Variants in PIEZO1 observed in about 807,000 individuals in gnomAD.
The protein encoded by PIEZO1 is piezo-type mechanosensitive ion channel component 1.
PIEZO1 carries 296 observed loss-of-function variants against 297.2 expected under a neutral mutation model. That is an observed-to-expected ratio of 1.00 (90% CI 0.91 to 1.10). The LOEUF (loss-of-function observed/expected upper bound fraction) is 1.10, where lower values mean the gene tolerates loss of function less well. PIEZO1 is among the 50% of genes least tolerant of loss of function. The pLI, the probability that PIEZO1 is intolerant of heterozygous loss-of-function variation, is 0.00. For missense variants in PIEZO1, 5,018 were observed against 3,455.5 expected, an observed-to-expected ratio of 1.45 and a Z score of -11.34; for synonymous variants, 2,427 against 1,507.5, an observed-to-expected ratio of 1.61 and a Z score of -14.13.
At chr16:88,727,754 C>G in intron 22 of PIEZO1, 93 bp from the exon 23 acceptor site, 1 of 570,030 alleles carries the variant, frequency 1.8e-6, no homozygotes, top group East Asian at 3.1e-5. Context: ...TATCACCAGC[C>G]CTCAGGGTCC....
chr16:88,719,980 T>G lies in PIEZO1; in HGVS notation c.6165-20A>C, dbSNP rs1335221216. ...AACATCCTGGGGCGGGATGGCCAGG[T>G]CAAGGACCCCATCAGAAACAGCCCC... On this transcript the variant is annotated intron_variant, in intron 42 of 50. Coordinates refer to ENST00000301015, the MANE Select transcript of PIEZO1 (RefSeq NM_001142864.4). 7 of 1,549,512 alleles carry G rather than the reference T, an allele frequency of 4.5e-6. No individual in the cohort carries two copies. In the African/African-American group the frequency reaches 9.6e-5, roughly 21 times the overall value.
Position 88,716,871 on chromosome 16 carries a change from G to C in PIEZO1, c.6688C>G (p.Pro2230Ala), listed in dbSNP as rs910553391. 1.3e-6 allele frequency: 2 copies of C among 1,549,860 alleles called. No homozygotes were observed. The highest frequency in any genetic ancestry group is 1.7e-6 in the Non-Finnish European group (2 of 1,146,958). The change falls in exon 46 of 51, where the codon CCG becomes GCG. Residue 2230 changes from proline to alanine, a missense_variant. By Grantham distance (27) the Pro-to-Ala change is conservative. Transcript: ENST00000301015. ...EPLFTMSAQQ[P>A]SIIPFTAQAY... ...TGGGCCGTGAAGGGGATGATGGACG[G>C]CTGCTGGGCGCTCATGGTGAACAGC...
chr16:88,771,238 G>C (rs1907412374), intron 1 of PIEZO1, among the ~76,000 whole-genome samples: 1 of 152,136 alleles, frequency 6.6e-6, no homozygotes, highest in Non-Finnish European at 1.5e-5. Flanking sequence ...CCCCCCCTTG[G>C]GAGGTCCAGA....
In PIEZO1 at chr16:88,738,521, A is replaced by C. The variant is rs550027613; in HGVS notation, c.634+47T>G. The C allele has an allele frequency of 1.2e-5, 19 of 1,529,064 alleles. No homozygotes were observed. The Admixed American group carries it at 2.0e-4, about 16-fold the overall frequency. 94.7% of individuals were successfully genotyped at this position (1,529,064 alleles called of 1,614,324 possible). On this transcript the variant is annotated intron_variant, in intron 6 of 50. Coordinates refer to ENST00000301015, the MANE Select transcript of PIEZO1 (RefSeq NM_001142864.4). ...CTCCACAGTCATCAGGGAACTCCCA[A>C]GACCCCTCCCAGTGTGACTGCCAGT...
intron 22 of PIEZO1, among the ~76,000 whole-genome samples, chr16:88,730,749 G>A (rs1904747343): frequency 6.6e-6 from 1 of 152,226 alleles, no homozygotes; most frequent in African/African-American, 2.4e-5. Flanking sequence ...GGGAGATGAT[G>A]TAACAGTGTG....
At position 88,721,787 on chromosome 16, in the gene PIEZO1, TC is replaced by T; in HGVS notation, c.5214+20del. ...ACGGCGCGGTGGGCCGGGCGCCCCCTCCCCCGCGGCCTCGGCCCACCTCGGT... is the reference window on the plus strand; with the variant it reads ...ACGGCGCGGTGGGCCGGGCGCCCCCTCCCCGCGGCCTCGGCCCACCTCGGT... On this transcript the variant is annotated intron_variant, in intron 37 of 50. Coordinates refer to ENST00000301015, the MANE Select transcript of PIEZO1 (RefSeq NM_001142864.4). 1 of 1,524,070 alleles carries T rather than the reference TC, an allele frequency of 6.6e-7. No homozygotes were observed. The highest frequency in any genetic ancestry group is 2.0e-5 in the Admixed American group (1 of 49,968). The allele number at this position is 1,524,070 out of a possible 1,614,324, so 94.4% of individuals were successfully genotyped here.
intron 1 of PIEZO1, among the ~76,000 whole-genome samples, chr16:88,751,350 A>G (rs1023183352): frequency 1.3e-5 from 2 of 152,232 alleles, no homozygotes; most frequent in African/African-American, 4.8e-5. Context: ...TGAAAGGGTC[A>G]GGGGCACACG....
In PIEZO1 at chr16:88,735,253, C is replaced by T. The variant is rs762154499; in HGVS notation, c.1558-7G>A. The T allele has an allele frequency of 1.3e-6, 2 of 1,543,634 alleles. No individual in the cohort carries two copies. Among genetic ancestry groups the T allele is most frequent in the Non-Finnish European group, 1.8e-6 (2 of 1,140,916 alleles). On this transcript the variant is annotated splice_polypyrimidine_tract_variant and splice_region_variant and intron_variant, in intron 12 of 50. Transcript: ENST00000301015. The stretch of plus-strand genomic sequence containing the variant: ...AGGTCAGGGTGTAGAGCAACTGTGA[C>T]AAGCGCAGGGTGTCACAGTCAGCCG...
At chr16:88,724,174 G>A (rs1189377194) in intron 30 of PIEZO1, among the ~76,000 whole-genome samples, 1 of 152,238 alleles carries the variant, frequency 6.6e-6, no homozygotes, top group Non-Finnish European at 1.5e-5. Context: ...AGCGCGGGCT[G>A]GGGTGCAGAG....
chr16:88,737,017 C>G lies in PIEZO1; in HGVS notation c.1196-278G>C, dbSNP rs968843144. 3 of 348,368 alleles carry G rather than the reference C, an allele frequency of 8.6e-6. No homozygotes were observed. The Admixed American group carries it at 1.4e-4, about 16-fold the overall frequency. 21.6% of individuals were successfully genotyped at this position (348,368 alleles called of 1,614,324 possible). Reference sequence around the variant, plus strand: ...CTTTCCAGCTCTGCGCACCTGAAGACTCTCAGGACCCCCACCCCAGGGCCG... The same window carrying G: ...CTTTCCAGCTCTGCGCACCTGAAGAGTCTCAGGACCCCCACCCCAGGGCCG... On this transcript the variant is annotated intron_variant, in intron 10 of 50. Coordinates refer to ENST00000301015, the MANE Select transcript of PIEZO1 (RefSeq NM_001142864.4).
chr16:88,749,800 G>A (rs2041986196), intron 1 of PIEZO1, among the ~76,000 whole-genome samples: 3 of 152,222 alleles, frequency 2.0e-5, no homozygotes, highest in South Asian at 2.1e-4. Flanking sequence ...GGCCAAGGCG[G>A]GCGGATCACT....
intron 38 of PIEZO1, 40 bp from the exon 39 acceptor site, chr16:88,721,470 C>T: frequency 1.3e-6 from 2 of 1,539,284 alleles, no homozygotes. Flanking sequence ...CCTTGCCTCC[C>T]TGGTGGAGAG....
Position 88,722,858 on chromosome 16 carries a change from G to A in PIEZO1, c.4647C>T (p.Leu1549=), listed in dbSNP as rs1163346117. The change falls in exon 34 of 51, where the codon CTC becomes CTT. Residue 1549 remains leucine (L), a synonymous_variant. Transcript: ENST00000301015. ...TCACCTGCAGGAGCTCCTGTGTGAGGAGGTAGCGCTCTGCCCGCAGCACGT... is the reference window on the plus strand; with the variant it reads ...TCACCTGCAGGAGCTCCTGTGTGAGAAGGTAGCGCTCTGCCCGCAGCACGT... The part of the protein sequence containing the change: ...MSDVLRAERY[L]LTQELLQGGE... The A allele has an allele frequency of 3.2e-6, 5 of 1,547,320 alleles. No individual in the cohort carries two copies. The highest frequency in any genetic ancestry group is 2.4e-5 in the South Asian group (2 of 84,060).
chr16:88,761,815 G>A (rs746118845), intron 1 of PIEZO1, among the ~76,000 whole-genome samples: 1 of 151,906 alleles, frequency 6.6e-6, no homozygotes, highest in Non-Finnish European at 1.5e-5. Context: ...CGCTGCCAGG[G>A]TGTGGAGGCC....
chr16:88,719,245 C>T (rs765182730), intron 44 of PIEZO1: 175 of 306,820 alleles, frequency 5.7e-4, no homozygotes, highest in Non-Finnish European at 5.6e-4. Flanking sequence ...AGTGGTCTGA[C>T]GCACGAATTC....
At chr16:88,736,819 C>A in intron 10 of PIEZO1, 80 bp from the exon 11 acceptor site, 2 of 883,738 alleles carry the variant, frequency 2.3e-6, no homozygotes, top group Non-Finnish European at 3.4e-6. Context: ...AAATCTGGGC[C>A]CTGGGCAAGC....
chr16:88,715,778 A>C lies in PIEZO1; in HGVS notation c.7393T>G (p.Ser2465Ala). The C allele has an allele frequency of 6.4e-7, 1 of 1,550,388 alleles. No homozygotes were observed. The highest frequency in any genetic ancestry group is 8.7e-7 in the Non-Finnish European group (1 of 1,146,964). Residue 2465 changes from serine (S) to alanine (A), a missense_variant, in exon 51 of 51, where the codon TCC becomes GCC. By Grantham distance (99) the Ser-to-Ala change is moderately conservative (BLOSUM62 1). Transcript: ENST00000301015. ...VRGFFSEISH[S>A]IMFEELPCVD... Reference sequence around the variant, plus strand: ...CACGGCAGCTCCTCGAACATAATGGAGTGCGAGATCTCGCTGAAGAATCCG... The same window carrying C: ...CACGGCAGCTCCTCGAACATAATGGCGTGCGAGATCTCGCTGAAGAATCCG...
intron 44 of PIEZO1, chr16:88,717,413 T>C (rs1228700391): frequency 1.5e-6 from 1 of 647,918 alleles, no homozygotes; most frequent in South Asian, 1.6e-5. Context: ...GGGTCGTTGA[T>C]CTTAGACAAG....
chr16:88,738,181 C>G, intron 7 of PIEZO1, 46 bp downstream of exon 7: 1 of 1,533,348 alleles, frequency 6.5e-7, no homozygotes, highest in South Asian at 1.2e-5. Context: ...GCCAGGTGGG[C>G]GGGACCAGGG....
Sources: gnomAD v4.1 joint callset for allele counts (sites outside exome capture counted in the v4.1 genomes callset) on GRCh38, gnomAD v4.1.1 for gene constraint, MANE v1.5 for transcripts, NCBI Gene and HGNC (gene_info 2026-07-23, HGNC 2026-07-21) for gene names.